Variants in QKI observed in about 807,000 individuals in gnomAD.
QKI encodes QKI, KH domain containing RNA binding.
Under a neutral mutation model 39.0 loss-of-function variants are expected in QKI, and 10 were observed. That is an observed-to-expected ratio of 0.26 (90% CI 0.16 to 0.43). The LOEUF (loss-of-function observed/expected upper bound fraction) is 0.43, where lower values mean the gene tolerates loss of function less well. Ranked by LOEUF, QKI falls within the 20% of genes least tolerant of loss-of-function variation. The pLI is 1.00. For missense variants in QKI, 218 were observed against 428.0 expected (o/e 0.51, Z 4.33); for synonymous variants, 204 against 155.4 (o/e 1.31, Z -2.33).
rs552790627 is a variant in QKI at position 163,566,199 on chromosome 6, T to G, written c.935-522T>G. ...GTATAGTAGTATACTGACTGCTAAG[T>G]GTACTATACTGTTTGCTTTACTAAT... On this transcript the variant is annotated intron_variant, in intron 6 of 7. Coordinates refer to ENST00000361752, the MANE Select transcript of QKI (RefSeq NM_006775.3). The G allele has an allele frequency of 1.2e-4, 156 of 1,318,906 alleles. No homozygotes were observed. The African/African-American group carries it at 2.2e-3, about 19-fold the overall frequency. The allele number at this position is 1,318,906 out of a possible 1,614,324, so 81.7% of individuals were successfully genotyped here.
chr6:163,444,630 C>T (rs1393708089), intron 1 of QKI, among the ~76,000 whole-genome samples: 5 of 152,128 alleles, frequency 3.3e-5, no homozygotes, highest in Non-Finnish European at 7.4e-5. Flanking sequence ...GATCTTTTAT[C>T]TGTGGATATT....
rs758409812 is a variant in QKI, at chr6:163,570,695, C to T, written c.1011C>T (p.Ala337=). Reference sequence around the variant, plus strand: ...TTTTTTTTGTTTCTAACCACCCAGCCGCCACCGGCAACTAACCTATGACCT... The same window carrying T: ...TTTTTTTTGTTTCTAACCACCCAGCTGCCACCGGCAACTAACCTATGACCT... The part of the protein sequence containing the change: ...PYQRIVTADR[A]ATGN The change falls in exon 8 of 8, where the codon GCC becomes GCT. Residue 337 remains alanine, a splice_region_variant and synonymous_variant. Transcript: ENST00000361752. The T allele has an allele frequency of 1.7e-5, 28 of 1,612,358 alleles. No individual in the cohort carries two copies. Among genetic ancestry groups the T allele is most frequent in the South Asian group, 6.6e-5 (6 of 90,968 alleles).
intron 2 of QKI, among the ~76,000 whole-genome samples, chr6:163,460,246 T>A (rs1236300204): frequency 2.6e-5 from 4 of 152,228 alleles, no homozygotes; most frequent in African/African-American, 4.8e-5. Context: ...CTGATGTTTT[T>A]AAAATGGGAT....
At chr6:163,458,484 T>C (rs1389941903) in intron 2 of QKI, among the ~76,000 whole-genome samples, 1 of 152,234 alleles carries the variant, frequency 6.6e-6, no homozygotes, top group African/African-American at 2.4e-5. Flanking sequence ...GTTGCACATA[T>C]TTGTATGAAA....
In QKI at chr6:163,542,198, G is replaced by T. The variant is rs7739152; in HGVS notation, c.546+7073G>T. On this transcript the variant is annotated intron_variant, in intron 4 of 7. Transcript: ENST00000361752. ...ATATATAAAACTGTCTCTCCACACAGGAGCACACATTATGGGAATGCTTCT... is the reference window on the plus strand; with the variant it reads ...ATATATAAAACTGTCTCTCCACACATGAGCACACATTATGGGAATGCTTCT... 3.3e-3 allele frequency among the ~76,000 whole-genome samples: 501 copies of T among 151,930 alleles called. 4 individuals carry two copies. The highest frequency in any genetic ancestry group is 0.011 in the African/African-American group (470 of 41,476).
chr6:163,512,399 T>G (rs1339672617), intron 3 of QKI, among the ~76,000 whole-genome samples: 1 of 152,138 alleles, frequency 6.6e-6, no homozygotes, highest in Non-Finnish European at 1.5e-5. Flanking sequence ...CTTTCTTATT[T>G]TTTAATATAG....
chr6:163,467,337 T>C (rs949307567), intron 2 of QKI, among the ~76,000 whole-genome samples: 1 of 152,242 alleles, frequency 6.6e-6, no homozygotes, highest in South Asian at 2.1e-4. Context: ...AGTCACTAAA[T>C]TGTAAGTTGT....
chr6:163,424,710 C>A (rs1224090074), intron 1 of QKI, among the ~76,000 whole-genome samples: 1 of 151,650 alleles, frequency 6.6e-6, no homozygotes, highest in Non-Finnish European at 1.5e-5. Flanking sequence ...TGGCTCACTG[C>A]AACCTCTGTC....
intron 2 of QKI, among the ~76,000 whole-genome samples, chr6:163,468,982 G>A (rs1374006182): frequency 1.3e-5 from 2 of 151,908 alleles, no homozygotes; most frequent in Admixed American, 1.3e-4. Context: ...CTGTACTAGA[G>A]TCCTGATGGC....
chr6:163,562,162 C>G, intron 5 of QKI, 93 bp downstream of exon 5: 1 of 760,702 alleles, frequency 1.3e-6, no homozygotes. Flanking sequence ...ATAGTTCATA[C>G]AAAGTGAACA....
intron 4 of QKI, among the ~76,000 whole-genome samples, chr6:163,557,061 A>G (rs1339892873): frequency 2.6e-5 from 4 of 152,214 alleles, no homozygotes; most frequent in African/African-American, 9.6e-5. Context: ...CTCTGTTCAC[A>G]TATCCAAAAA....
At chr6:163,503,357 C>T (rs2128232430) in intron 3 of QKI, among the ~76,000 whole-genome samples, 1 of 152,072 alleles carries the variant, frequency 6.6e-6, no homozygotes, top group African/African-American at 2.4e-5. Flanking sequence ...TCTCCCAGCA[C>T]CATTGATTGA....
intron 3 of QKI, among the ~76,000 whole-genome samples, chr6:163,495,163 C>T (rs1449908841): frequency 6.6e-6 from 1 of 152,140 alleles, no homozygotes; most frequent in African/African-American, 2.4e-5. Context: ...GATCTGCCTG[C>T]CTCGGCCTCC....
intron 2 of QKI, chr6:163,457,633 A>AT (rs1791017831): frequency 7.1e-6 from 2 of 282,490 alleles, no homozygotes; most frequent in East Asian, 9.6e-5. Flanking sequence ...TCACTCCTCT[A>AT]ATTTTTTTTT....
intron 7 of QKI, chr6:163,567,954 G>A (rs1783465631): frequency 1.0e-6 from 1 of 984,926 alleles, no homozygotes; most frequent in African/African-American, 1.7e-5. Flanking sequence ...CTTTCCCAAA[G>A]ACATTGTTAA....
chr6:163,486,799 TA>T (rs1249125524), intron 3 of QKI, among the ~76,000 whole-genome samples: 1 of 152,192 alleles, frequency 6.6e-6, no homozygotes, highest in Non-Finnish European at 1.5e-5. Flanking sequence ...TTTGCTGCTT[TA>T]TAATCAACAT....
At chr6:163,487,000 A>G (rs954988902) in intron 3 of QKI, among the ~76,000 whole-genome samples, 2 of 152,140 alleles carry the variant, frequency 1.3e-5, no homozygotes, top group African/African-American at 4.8e-5. Flanking sequence ...ATTCTTATGA[A>G]ATATGTTACT....
intron 3 of QKI, among the ~76,000 whole-genome samples, chr6:163,481,834 C>G (rs1793097527): frequency 6.6e-6 from 1 of 152,038 alleles, no homozygotes; most frequent in Non-Finnish European, 1.5e-5. Flanking sequence ...ATGAAGAGAC[C>G]AAAGCCTTGG....
At chr6:163,424,109 A>G (rs1582957887) in intron 1 of QKI, among the ~76,000 whole-genome samples, 1 of 152,358 alleles carries the variant, frequency 6.6e-6, no homozygotes, top group East Asian at 1.9e-4. Flanking sequence ...ATTCAAACAA[A>G]TTAAATGTAA....
Sources: allele counts gnomAD v4.1 joint callset (sites outside exome capture counted in the v4.1 genomes callset), GRCh38; gene constraint gnomAD v4.1.1; transcripts MANE v1.5; gene names NCBI Gene and HGNC (gene_info 2026-07-23, HGNC 2026-07-21).